Variants in RSRC1 observed in about 807,000 individuals in gnomAD.
RSRC1 encodes arginine and serine rich coiled-coil 1, also known as serine/Arginine-related protein 53.
RSRC1 carries 39 observed loss-of-function variants against 49.1 expected under a neutral mutation model. That is an observed-to-expected ratio of 0.79 (90% CI 0.61 to 1.04). RSRC1 has a LOEUF of 1.04. Ranked by LOEUF, RSRC1 falls within the 50% of genes least tolerant of loss-of-function variation. The pLI is 0.00. For synonymous variants in RSRC1, 143 were observed against 130.8 expected (o/e 1.09, Z -0.63); for missense variants, 388 against 402.4 (o/e 0.96, Z 0.31).
At chr3:158,133,236 T>C (rs1336497552) in intron 3 of RSRC1, among the ~76,000 whole-genome samples, 3 of 152,334 alleles carry the variant, frequency 2.0e-5, no homozygotes, top group South Asian at 2.1e-4. Flanking sequence ...ATGAAAATTA[T>C]AGAAATGATC....
At position 158,123,033 on chromosome 3, in the gene RSRC1, C is replaced by T. The variant is rs115774992; in HGVS notation, c.194+735C>T. Among the ~76,000 whole-genome samples, 532 of 152,164 alleles carry T rather than the reference C, an allele frequency of 3.5e-3. 5 individuals carry two copies. Among genetic ancestry groups the T allele is most frequent in the African/African-American group, 0.012 (507 of 41,532 alleles). On this transcript the variant is annotated intron_variant, in intron 2 of 9. Transcript: ENST00000611884. ...TTTGCTATTGTGAACAGTGCTGCAA[C>T]GGAGTTTTGCTCTTGTTGTCCAGGC...
intron 4 of RSRC1, among the ~76,000 whole-genome samples, chr3:158,293,319 T>C (rs2108108077): frequency 6.6e-6 from 1 of 152,204 alleles, no homozygotes; most frequent in East Asian, 1.9e-4. Flanking sequence ...TATGTATGTA[T>C]GTATGGGAGT....
At chr3:158,146,447 G>T (rs1258316817) in intron 3 of RSRC1, among the ~76,000 whole-genome samples, 2 of 152,162 alleles carry the variant, frequency 1.3e-5, no homozygotes, top group Non-Finnish European at 2.9e-5. Context: ...ATTTGCGTAT[G>T]TTGAACCAGC....
chr3:158,525,132 C>T (rs145523563), intron 7 of RSRC1, among the ~76,000 whole-genome samples: 11 of 151,806 alleles, frequency 7.2e-5, no homozygotes, highest in East Asian at 3.9e-4. Context: ...AACAAAAAGG[C>T]AAGTCATAGA....
intron 7 of RSRC1, among the ~76,000 whole-genome samples, chr3:158,487,946 C>CAA (rs1303656428): frequency 7.0e-4 from 8 of 11,482 alleles, no homozygotes; most frequent in Admixed American, 1.3e-3. Flanking sequence ...GACTCCATCT[C>CAA]AAGAAAAAAA....
intron 7 of RSRC1, among the ~76,000 whole-genome samples, chr3:158,483,168 A>C (rs1200832365): frequency 6.6e-6 from 1 of 152,030 alleles, no homozygotes; most frequent in Admixed American, 6.6e-5. Context: ...TCTTAATATG[A>C]ATGTTTGACT....
At chr3:158,284,968 C>G (rs143835372) in intron 4 of RSRC1, among the ~76,000 whole-genome samples, 11,672 of 152,196 alleles carry the variant, frequency 0.077, 539 homozygotes, top group South Asian at 0.13. Flanking sequence ...AGTCCTTACT[C>G]ATGCCTATGT....
intron 7 of RSRC1, among the ~76,000 whole-genome samples, chr3:158,480,982 A>T (rs545343170): frequency 6.6e-6 from 1 of 152,124 alleles, no homozygotes; most frequent in East Asian, 1.9e-4. Context: ...CAGAATTAAG[A>T]TTTTCAAACA....
At chr3:158,131,066 A>G (rs1715988829) in intron 3 of RSRC1, among the ~76,000 whole-genome samples, 1 of 151,984 alleles carries the variant, frequency 6.6e-6, no homozygotes, top group South Asian at 2.1e-4. Context: ...CTTTTTTCCT[A>G]TCTTAGGAGG....
intron 7 of RSRC1, among the ~76,000 whole-genome samples, chr3:158,516,771 G>C (rs377593828): frequency 2.6e-5 from 4 of 152,222 alleles, no homozygotes; most frequent in Admixed American, 2.0e-4. Context: ...AGGGCCCTCC[G>C]AGCCAGGTGC....
chr3:158,308,198 TTG>T (rs1415543587), intron 5 of RSRC1, among the ~76,000 whole-genome samples: 1 of 151,984 alleles, frequency 6.6e-6, no homozygotes, highest in Non-Finnish European at 1.5e-5. Context: ...GTTATTTTCT[TTG>T]GCATCATCAT....
rs184162753 is a variant in RSRC1 at position 158,145,842 on chromosome 3, C to T, written c.320+21851C>T. On this transcript the variant is annotated intron_variant, in intron 3 of 9. Coordinates refer to ENST00000611884, the MANE Select transcript of RSRC1 (RefSeq NM_001271838.2). ...ATTTGTAGCTCTCCTTGAAGAGGTC[C>T]TTCACATCCCTTGTAAGTTGGATTC... 1.8e-4 allele frequency among the ~76,000 whole-genome samples: 27 copies of T among 152,210 alleles called. No individual in the cohort carries two copies. The East Asian group carries it at 3.1e-3, about 17-fold the overall frequency.
At chr3:158,147,151 A>G (rs1277930594) in intron 3 of RSRC1, among the ~76,000 whole-genome samples, 2 of 137,536 alleles carry the variant, frequency 1.5e-5, no homozygotes, top group East Asian at 4.1e-4. Flanking sequence ...TCAAAGCAAA[A>G]TGGGACACTG....
intron 7 of RSRC1, among the ~76,000 whole-genome samples, chr3:158,524,026 T>C (rs1460738451): frequency 6.6e-6 from 1 of 152,100 alleles, no homozygotes; most frequent in African/African-American, 2.4e-5. Context: ...GATTGTGCTT[T>C]GTCTTCAGCA....
chr3:158,519,980 G>A (rs1025603670), intron 7 of RSRC1, among the ~76,000 whole-genome samples: 4 of 152,092 alleles, frequency 2.6e-5, no homozygotes, highest in African/African-American at 7.2e-5. Flanking sequence ...TGATGTCATG[G>A]AAGCCAAATG....
intron 6 of RSRC1, among the ~76,000 whole-genome samples, chr3:158,446,499 A>G (rs4289388): frequency 0.53 from 79,916 of 151,688 alleles, 21,621 homozygotes; most frequent in African/African-American, 0.64. Flanking sequence ...TATTAATGAA[A>G]TACATTGACT....
At chr3:158,147,062 C>A (rs375541293) in intron 3 of RSRC1, among the ~76,000 whole-genome samples, 4 of 148,250 alleles carry the variant, frequency 2.7e-5, no homozygotes, top group African/African-American at 7.6e-5. Context: ...CCTCCCCCTC[C>A]CTCTCCATCT....
intron 7 of RSRC1, among the ~76,000 whole-genome samples, chr3:158,530,668 A>G (rs909578895): frequency 1.3e-5 from 2 of 151,680 alleles, no homozygotes; most frequent in Non-Finnish European, 2.9e-5. Context: ...TGTTTAGGCT[A>G]TTACTATCTC....
rs1722085229 is a variant in RSRC1, at chr3:158,218,786, G to C, written c.494+15541G>C. On this transcript the variant is annotated intron_variant, in intron 4 of 9. Transcript: ENST00000611884. ...CCATATGGCAAGATTAAATCACAGT[G>C]ACTGCTGGATGTGACCCATGGGCCA... Among the ~76,000 whole-genome samples, 4 of 151,600 alleles carry C rather than the reference G, an allele frequency of 2.6e-5. No individual in the cohort carries two copies. The Admixed American group carries it at 2.6e-4, about 10-fold the overall frequency.
Sources: allele counts gnomAD v4.1 joint callset (sites outside exome capture counted in the v4.1 genomes callset), GRCh38; gene constraint gnomAD v4.1.1; transcripts MANE v1.5; gene names NCBI Gene and HGNC (gene_info 2026-07-23, HGNC 2026-07-21).